Variants in SPTBN4 observed in about 807,000 individuals in gnomAD.
SPTBN4 encodes the protein spectrin beta chain, non-erythrocytic 4.
SPTBN4 carries 96 observed loss-of-function variants against 277.8 expected under a neutral mutation model. The observed-to-expected ratio is 0.35, with a 90% confidence interval of 0.29 to 0.41. The LOEUF is 0.41. Ranked by LOEUF, SPTBN4 falls within the 10% of genes least tolerant of loss-of-function variation. SPTBN4 has a pLI of 1.00. For missense variants in SPTBN4, 3,006 were observed against 3,595.7 expected (o/e 0.84, Z 4.19); for synonymous variants, 1,481 against 1,580.3 (o/e 0.94, Z 1.49).
chr19:40,498,466 CAT>C (rs2080227083), intron 7 of SPTBN4, among the ~76,000 whole-genome samples: 1 of 151,414 alleles, frequency 6.6e-6, no homozygotes, highest in Non-Finnish European at 1.5e-5. Flanking sequence ...AGTGCAGTGG[CAT>C]GATCTCGGCT....
chr19:40,472,220 T>A (rs1268393141), intron 1 of SPTBN4, among the ~76,000 whole-genome samples: 1 of 151,874 alleles, frequency 6.6e-6, no homozygotes, highest in Non-Finnish European at 1.5e-5. Context: ...ATTTTTGTAT[T>A]TTTTTGTAGA....
rs1406767697 is a variant in SPTBN4 at position 40,560,135 on chromosome 19, C to T, written c.5671-24C>T. 15 of 1,567,146 alleles carry T rather than the reference C, an allele frequency of 9.6e-6. No homozygotes were observed. The highest frequency in any genetic ancestry group is 3.6e-4 in the Middle Eastern group (2 of 5,490). The stretch of plus-strand genomic sequence containing the variant: ...CAGCCTGGGCCCCGTGGAGGGCTGG[C>T]GCCCGACCTGGCATGCCCTTCAGGT... On this transcript the variant is annotated intron_variant, in intron 26 of 35. Transcript: ENST00000598249. This position sits in a 1 kb window ranked among gnomAD's most constrained non-coding sequence, Gnocchi z 5.2.
intron 13 of SPTBN4, among the ~76,000 whole-genome samples, chr19:40,509,732 C>T (rs1391160828): frequency 6.6e-6 from 1 of 152,172 alleles, no homozygotes; most frequent in Admixed American, 6.5e-5. Flanking sequence ...GAGCCCACAG[C>T]CCTTTGGAAT....
chr19:40,505,978 G>C (rs553477451), intron 12 of SPTBN4, among the ~76,000 whole-genome samples: 1 of 152,184 alleles, frequency 6.6e-6, no homozygotes, highest in Non-Finnish European at 1.5e-5. Context: ...TAGAGAGAGA[G>C]GGAGACAGAG....
chr19:40,570,013 C>T (rs1296578699), intron 32 of SPTBN4, among the ~76,000 whole-genome samples: 2 of 150,428 alleles, frequency 1.3e-5, no homozygotes, highest in Admixed American at 1.3e-4. Context: ...GACACACAGA[C>T]ACAGATACAC....
intron 26 of SPTBN4, 74 bp downstream of exon 26, chr19:40,557,477 GGCTGTGGA>G: frequency 6.7e-7 from 1 of 1,482,126 alleles, no homozygotes; most frequent in East Asian, 2.4e-5. Context: ...GCAAAAATCA[GGCTGTGGA>G]GCAGGTCGAA....
At chr19:40,501,179 A>C (rs1357765412) in intron 7 of SPTBN4, among the ~76,000 whole-genome samples, 1 of 151,966 alleles carries the variant, frequency 6.6e-6, no homozygotes, top group Non-Finnish European at 1.5e-5. Flanking sequence ...TCGAGGCTGC[A>C]GTGAGCTATG....
In SPTBN4 at chr19:40,490,484, C is replaced by T. The variant is rs1265623390; in HGVS notation, c.495+236C>T. Among the ~76,000 whole-genome samples, 1 of 152,178 alleles carries T rather than the reference C, an allele frequency of 6.6e-6. No homozygotes were observed. Among genetic ancestry groups the T allele is most frequent in the East Asian group, 1.9e-4 (1 of 5,200 alleles). On this transcript the variant is annotated intron_variant, in intron 4 of 35. Transcript: ENST00000598249. This position sits in a 1 kb window ranked among gnomAD's most constrained non-coding sequence, Gnocchi z 4.3. Reference sequence around the variant, plus strand: ...TTCTAAGCACTTGACATTTAATACACACAGCAACCCCATAAATTAGGTACT... The same window carrying T: ...TTCTAAGCACTTGACATTTAATACATACAGCAACCCCATAAATTAGGTACT...
rs1599806296 is a variant in SPTBN4, at chr19:40,557,293, C to T, written c.5560C>T (p.Arg1854Trp). 6 of 1,613,358 alleles carry T rather than the reference C, an allele frequency of 3.7e-6. No homozygotes were observed. Among genetic ancestry groups the T allele is most frequent in the Non-Finnish European group, 5.1e-6 (6 of 1,179,834 alleles). The change falls in exon 26 of 36, where the codon CGG (arginine) becomes TGG (tryptophan). Residue 1854 changes from arginine to tryptophan, a missense_variant. Coordinates refer to ENST00000598249, the MANE Select transcript of SPTBN4 (RefSeq NM_020971.3). ...RELQGQIEEK[R>W]RRLPRLTTPP... is the part of the protein sequence containing the mutation. ...GCTTCAGGGACAGATTGAGGAGAAG[C>T]GGAGGCGGCTGCCCCGCCTGACCAC...
intron 19 of SPTBN4, among the ~76,000 whole-genome samples, chr19:40,533,849 TTCTG>T (rs777583557): frequency 4.6e-5 from 7 of 152,084 alleles, no homozygotes; most frequent in Admixed American, 2.0e-4. Context: ...CTCCCCTCAC[TTCTG>T]TCTGTCTGTC....
chr19:40,521,188 G>C (rs968163583), intron 16 of SPTBN4, among the ~76,000 whole-genome samples: 3 of 152,106 alleles, frequency 2.0e-5, no homozygotes, highest in Admixed American at 2.0e-4. Flanking sequence ...CTCCCAAAGT[G>C]TTGGGATTAC....
chr19:40,494,656 A>G (rs2080175359), intron 5 of SPTBN4, among the ~76,000 whole-genome samples: 1 of 151,616 alleles, frequency 6.6e-6, no homozygotes, highest in Non-Finnish European at 1.5e-5. Flanking sequence ...TTTATCATCT[A>G]TCTATGTATC....
rs145866095 is a variant in SPTBN4, at chr19:40,571,613, C to T, written c.7320-406C>T. The T allele has an allele frequency of 3.8e-4, 62 of 161,816 alleles. 2 individuals are homozygous for T. In the East Asian group the frequency reaches 9.4e-3, roughly 25 times the overall value. 10.0% of individuals were successfully genotyped at this position (161,816 alleles called of 1,614,324 possible). A position where few individuals can be genotyped will look rare whatever the true frequency, so the allele number is the denominator to read the frequency against. The stretch of plus-strand genomic sequence containing the variant: ...AGTATGTTTTGCTTTGGGAGGGATT[C>T]CTCCAGGATCGAGGCTTTGGATGAC... On this transcript the variant is annotated intron_variant, in intron 33 of 35. Transcript: ENST00000598249.
chr19:40,530,539 G>C (rs1189775551), intron 18 of SPTBN4: 1 of 980,520 alleles, frequency 1.0e-6, no homozygotes, highest in South Asian at 4.7e-5. Context: ...TGAGGGGCGA[G>C]CACCCGCCCG....
At chr19:40,547,715 C>T (rs1273238267) in intron 20 of SPTBN4, among the ~76,000 whole-genome samples, 8 of 152,268 alleles carry the variant, frequency 5.3e-5, no homozygotes, top group East Asian at 1.9e-4. Flanking sequence ...TTTTAATGAT[C>T]GCTATTCTAA....
rs2080990789 is a variant in SPTBN4 at position 40,557,216 on chromosome 19, A to G, written c.5483A>G (p.Gln1828Arg). The G allele has an allele frequency of 5.0e-6, 8 of 1,611,342 alleles. No individual in the cohort carries two copies. Among genetic ancestry groups the G allele is most frequent in the Non-Finnish European group, 6.8e-6 (8 of 1,177,984 alleles). Residue 1828 changes from glutamine to arginine, a missense_variant, in exon 26 of 36, where the codon CAG (glutamine) becomes CGG (arginine). By Grantham distance (43) the Gln-to-Arg change is conservative. This residue lies in a region of SPTBN4 where 425 missense variants were observed against 594.7 expected (regional missense o/e 0.71). Transcript: ENST00000598249. Reference protein sequence around the residue: ...ELLELMGTRAQLLAASRELHK... With the variant: ...ELLELMGTRARLLAASRELHK... ...CTGGAGCTCATGGGCACACGGGCCC[A>G]GCTGCTGGCCGCCTCTCGGGAGCTT...
chr19:40,502,559 G>T lies in SPTBN4; in HGVS notation c.1203+52G>T. 1 of 1,522,532 alleles carries T rather than the reference G, an allele frequency of 6.6e-7. No homozygotes were observed. The allele number at this position is 1,522,532 out of a possible 1,614,324, so 94.3% of individuals were successfully genotyped here. ...CGGGGTTGCACTGTGGAGTTGTATA[G>T]GTTGCACACTGCTCAAGGGAATCAT... On this transcript the variant is annotated intron_variant, in intron 10 of 35. Transcript: ENST00000598249. The surrounding 1 kb of genome is among the most constrained non-coding windows in gnomAD (Gnocchi z 4.9).
chr19:40,550,413 G>C, intron 22 of SPTBN4, 86 bp downstream of exon 22: 3 of 1,233,228 alleles, frequency 2.4e-6, no homozygotes, highest in Non-Finnish European at 3.5e-6. Context: ...CCAAAACAAT[G>C]AATGTATTGG....
intron 3 of SPTBN4, among the ~76,000 whole-genome samples, chr19:40,488,743 G>A (rs1227620437): frequency 6.6e-6 from 1 of 152,152 alleles, no homozygotes; most frequent in Non-Finnish European, 1.5e-5. Flanking sequence ...CTGGGAGGTC[G>A]AGGCTGCAGT....
Sources: allele counts gnomAD v4.1 joint callset (sites outside exome capture counted in the v4.1 genomes callset), GRCh38; gene constraint gnomAD v4.1.1; regional missense constraint gnomAD v4.1.1; non-coding constraint Gnocchi (gnomAD v3.1); transcripts MANE v1.5; gene names NCBI Gene and HGNC (gene_info 2026-07-23, HGNC 2026-07-21).